COL6A5: variants seen among roughly 807,000 people sequenced by gnomAD.
COL6A5 encodes the protein collagen type VI alpha 5 chain, also known as collagen alpha-5(VI) chain.
COL6A5 carries 48 observed loss-of-function variants against 65.6 expected under a neutral mutation model. The ratio of observed to expected loss-of-function variants is 0.73; its 90% CI spans 0.58 to 0.93. COL6A5 has a LOEUF of 0.93. Among genes scored for constraint, COL6A5 ranks in the 40% least tolerant of loss-of-function variants. The pLI is 0.00. For missense variants in COL6A5, 914 were observed against 928.3 expected (o/e 0.98, Z 0.20); for synonymous variants, 291 against 322.8 (o/e 0.90, Z 1.05).
At chr3:130,367,548 A>G (rs1348086359) in intron 1 of COL6A5, among the ~76,000 whole-genome samples, 2 of 152,202 alleles carry the variant, frequency 1.3e-5, no homozygotes, top group Non-Finnish European at 1.5e-5. Flanking sequence ...ACTCTAAAGA[A>G]GTTTGCAGTT....
intron 1 of COL6A5, among the ~76,000 whole-genome samples, chr3:130,359,744 TG>T (rs1935047609): frequency 6.6e-6 from 1 of 152,100 alleles, no homozygotes; most frequent in South Asian, 2.1e-4. Context: ...ATATTTTCTG[TG>T]GCTGCTTTTG....
chr3:130,405,012 A>C (rs886621563), intron 13 of COL6A5, among the ~76,000 whole-genome samples: 1 of 152,212 alleles, frequency 6.6e-6, no homozygotes, highest in African/African-American at 2.4e-5. Context: ...TTGGAGAAGC[A>C]AGGTTGGTGG....
intron 1 of COL6A5, among the ~76,000 whole-genome samples, chr3:130,433,914 G>T (rs1284850359): frequency 6.7e-6 from 1 of 149,186 alleles, no homozygotes; most frequent in Non-Finnish European, 1.5e-5. Flanking sequence ...ATTTCTTTTG[G>T]CAAGTCTGCT....
At chr3:130,411,953 A>G (rs935771977) in intron 20 of COL6A5, among the ~76,000 whole-genome samples, 1 of 152,188 alleles carries the variant, frequency 6.6e-6, no homozygotes, top group African/African-American at 2.4e-5. Flanking sequence ...CCGACGCAGA[A>G]TAGAGTTCTC....
chr3:130,388,343 T>TATGCATGCATGCATGCATGCATGCATGC (rs71620080), intron 5 of COL6A5, among the ~76,000 whole-genome samples: 1 of 151,232 alleles, frequency 6.6e-6, no homozygotes, highest in East Asian at 2.0e-4. Context: ...ATAAATGAGT[T>TATGCATGCATGCATGCATGCATGCATGC]ATGCATGCAT....
intron 13 of COL6A5, among the ~76,000 whole-genome samples, chr3:130,404,464 A>T (rs542832485): frequency 6.6e-6 from 1 of 152,288 alleles, no homozygotes; most frequent in Admixed American, 6.5e-5. Context: ...TAACTTCTTG[A>T]CCCTCAGTTT....
intron 5 of COL6A5, among the ~76,000 whole-genome samples, chr3:130,461,179 T>C (rs1274291616): frequency 2.0e-5 from 3 of 152,086 alleles, no homozygotes; most frequent in Non-Finnish European, 4.4e-5. Context: ...AAGAAGCTTT[T>C]CGTCTGTCAG....
At chr3:130,404,719 C>A (rs1363221434) in intron 13 of COL6A5, among the ~76,000 whole-genome samples, 1 of 152,196 alleles carries the variant, frequency 6.6e-6, no homozygotes, top group Non-Finnish European at 1.5e-5. Context: ...ATGGGCAAGG[C>A]CTCCTCCTTT....
intron 5 of COL6A5, among the ~76,000 whole-genome samples, chr3:130,464,281 A>G (rs1226971356): frequency 6.6e-6 from 1 of 151,852 alleles, no homozygotes; most frequent in Non-Finnish European, 1.5e-5. Context: ...CTAGAGGCAC[A>G]CACCACTACA....
chr3:130,373,618 G>A (rs1466181699), exon 2 of COL6A5: 40 of 1,450,482 alleles, frequency 2.8e-5, no homozygotes, highest in Non-Finnish European at 3.7e-5. Flanking sequence ...CAGAACAAAA[G>A]TAAAAATCTT....
At chr3:130,394,854 C>T (rs1936537337) in intron 7 of COL6A5, 36 bp from the exon 8 acceptor site, 3 of 1,486,918 alleles carry the variant, frequency 2.0e-6, no homozygotes, top group Non-Finnish European at 2.7e-6. Context: ...TCGAATGATT[C>T]ATGAGGAAAA....
chr3:130,352,916 A>G (rs2107613624), intron 1 of COL6A5, among the ~76,000 whole-genome samples: 1 of 152,294 alleles, frequency 6.6e-6, no homozygotes, highest in South Asian at 2.1e-4. Context: ...GGTGCTTGAT[A>G]TCACTTTCTT....
chr3:130,444,028 C>A (rs147588439), intron 4 of COL6A5, among the ~76,000 whole-genome samples: 1 of 152,092 alleles, frequency 6.6e-6, no homozygotes, highest in African/African-American at 2.4e-5. Context: ...CCCTCAGGGG[C>A]GCATTCTCTT....
chr3:130,347,502 G>A (rs533313585), intron 1 of COL6A5, among the ~76,000 whole-genome samples: 2 of 152,264 alleles, frequency 1.3e-5, no homozygotes, highest in South Asian at 4.1e-4. Context: ...TTATGAGCCT[G>A]TGAAAATAAA....
intron 1 of COL6A5, among the ~76,000 whole-genome samples, chr3:130,373,014 A>C (rs1030728662): frequency 1.3e-5 from 2 of 152,190 alleles, no homozygotes; most frequent in East Asian, 3.8e-4. Context: ...ATGTGGAAAA[A>C]CCAAACCTAA....
At chr3:130,389,169 T>C in intron 6 of COL6A5, 35 bp downstream of exon 6, 1 of 1,307,238 alleles carries the variant, frequency 7.6e-7, no homozygotes, top group Admixed American at 3.3e-5. Flanking sequence ...GACTAAAGGA[T>C]GTGAGCTGTT....
intron 1 of COL6A5, among the ~76,000 whole-genome samples, chr3:130,361,550 T>G (rs1355298818): frequency 6.6e-6 from 1 of 152,088 alleles, no homozygotes; most frequent in Non-Finnish European, 1.5e-5. Context: ...TGTAGTTTTT[T>G]GTATGGATGT....
At chr3:130,382,215 A>AAAAC (rs1300567856) in intron 4 of COL6A5, among the ~76,000 whole-genome samples, 1 of 152,038 alleles carries the variant, frequency 6.6e-6, no homozygotes. Flanking sequence ...CCAGGCAAGG[A>AAAAC]AAACAAACAA....
exon 4 of COL6A5, chr3:130,443,496 C>T: frequency 9.3e-6 from 15 of 1,610,508 alleles, no homozygotes; most frequent in Non-Finnish European, 1.3e-5. Flanking sequence ...TCAGTACCCA[C>T]CACCGATGCT....
Sources: allele counts gnomAD v4.1 joint callset (sites outside exome capture counted in the v4.1 genomes callset), GRCh38; gene constraint gnomAD v4.1.1; transcripts MANE v1.5; gene names NCBI Gene and HGNC (gene_info 2026-07-23, HGNC 2026-07-21).